DYSF: variants seen among roughly 807,000 people sequenced by gnomAD.
DYSF encodes dysferlin.
Under a neutral mutation model 274.9 loss-of-function variants are expected in DYSF, and 212 were observed. The observed-to-expected ratio is 0.77, with a 90% CI of 0.69 to 0.86. The LOEUF is 0.86. DYSF is among the 40% of genes least tolerant of loss of function. The probability of loss-of-function intolerance (pLI) is 0.00; values close to 1 mark genes in which losing one functional copy is unlikely to be tolerated. For synonymous variants in DYSF, 1,091 were observed against 1,078.7 expected, an observed-to-expected ratio of 1.01 and a Z score of -0.22; for missense variants, 2,666 against 2,783.2, an observed-to-expected ratio of 0.96 and a Z score of 0.95.
intron 16 of DYSF, 46 bp downstream of exon 16, chr2:71,535,357 G>A: frequency 6.4e-7 from 1 of 1,564,272 alleles, no homozygotes; most frequent in Non-Finnish European, 8.8e-7. Flanking sequence ...GTCCTGAGGG[G>A]GCGCTGGGTC....
chr2:71,665,673 T>C (rs534046410), intron 47 of DYSF, among the ~76,000 whole-genome samples: 3 of 152,170 alleles, frequency 2.0e-5, no homozygotes, highest in Non-Finnish European at 4.4e-5. Flanking sequence ...TGGGGTACAG[T>C]CCACTTCTCA....
rs80035621 is a variant in DYSF, at chr2:71,652,844, C to T, written c.4627-3318C>T. ...ACAAACAAACAAAAGGAGGCGTGAG[C>T]ATTTGGCATATGACACAAGTCATGG... On this transcript the variant is annotated intron_variant, in intron 42 of 55. Coordinates refer to ENST00000410020, the MANE Select transcript of DYSF (RefSeq NM_001130987.2). 4.6e-3 allele frequency among the ~76,000 whole-genome samples: 694 copies of T among 152,260 alleles called. 6 individuals carry two copies. The highest frequency in any genetic ancestry group is 0.026 in the East Asian group (137 of 5,186).
chr2:71,520,271 T>A, intron 11 of DYSF, 63 bp downstream of exon 11: 1 of 1,534,452 alleles, frequency 6.5e-7, no homozygotes, highest in Non-Finnish European at 9.0e-7. Context: ...TTGGGGACAC[T>A]CATTTGGGGT....
chr2:71,622,156 A>C (rs1254927204), intron 41 of DYSF, among the ~76,000 whole-genome samples: 3 of 25,590 alleles, frequency 1.2e-4, no homozygotes, highest in South Asian at 1.3e-3. Context: ...TGTTACGCCC[A>C]GGTACATCTG....
At chr2:71,635,518 C>A (rs1485763072) in intron 41 of DYSF, among the ~76,000 whole-genome samples, 1 of 152,192 alleles carries the variant, frequency 6.6e-6, no homozygotes, top group South Asian at 2.1e-4. Flanking sequence ...GAGGCAGAGG[C>A]GGGTGGATCA....
chr2:71,644,107 C>A, intron 42 of DYSF, 44 bp downstream of exon 42: 1 of 1,461,892 alleles, frequency 6.8e-7, no homozygotes, highest in Non-Finnish European at 9.5e-7. Flanking sequence ...TGTGTGCGTA[C>A]TGGGCAGTGG....
intron 17 of DYSF, among the ~76,000 whole-genome samples, chr2:71,548,692 C>T (rs543507495): frequency 1.6e-4 from 25 of 152,186 alleles, no homozygotes; most frequent in Non-Finnish European, 3.2e-4. Flanking sequence ...AAGTGTGTAG[C>T]GTGTTCAGCT....
At chr2:71,665,410 G>C in intron 47 of DYSF, 106 bp downstream of exon 47, 1 of 1,478,106 alleles carries the variant, frequency 6.8e-7, no homozygotes, top group East Asian at 2.3e-5. Flanking sequence ...ATAACCCACA[G>C]CAGCAGGCTG....
At chr2:71,484,093 C>A (rs1573428993) in intron 3 of DYSF, among the ~76,000 whole-genome samples, 1 of 124,424 alleles carries the variant, frequency 8.0e-6, no homozygotes, top group African/African-American at 3.0e-5. Flanking sequence ...TGCTCTGTGG[C>A]CCAGGCTGGA....
intron 40 of DYSF, 125 bp from the exon 41 acceptor site, chr2:71,620,422 A>G (rs747972601): frequency 1.1e-4 from 109 of 1,016,192 alleles, no homozygotes; most frequent in Non-Finnish European, 1.5e-4. Flanking sequence ...ACTCCAAAGC[A>G]CATGTTCTCC....
chr2:71,580,655 C>G (rs1026955337), intron 30 of DYSF, among the ~76,000 whole-genome samples: 8 of 152,064 alleles, frequency 5.3e-5, no homozygotes, highest in African/African-American at 1.7e-4. Flanking sequence ...GATCTCTGGA[C>G]TCTGTTTCTT....
chr2:71,564,941 G>A (rs2091992487), intron 24 of DYSF, among the ~76,000 whole-genome samples: 1 of 152,196 alleles, frequency 6.6e-6, no homozygotes, highest in African/African-American at 2.4e-5. Context: ...GTCATGGTGT[G>A]GCCTGGCGTG....
chr2:71,595,597 C>T (rs1303678460), intron 32 of DYSF, among the ~76,000 whole-genome samples: 9 of 152,176 alleles, frequency 5.9e-5, no homozygotes, highest in Admixed American at 3.3e-4. Flanking sequence ...GGGCTCAGCC[C>T]GAACAGCCTG....
intron 23 of DYSF, 81 bp from the exon 24 acceptor site, chr2:71,563,977 C>A: frequency 6.3e-7 from 1 of 1,595,196 alleles, no homozygotes; most frequent in South Asian, 1.1e-5. Flanking sequence ...GCCTCTGAGT[C>A]AGAGGTCAGC....
upstream of DYSF, among the ~76,000 whole-genome samples, chr2:71,466,342 CCTT>C (rs1305256919): frequency 6.6e-6 from 1 of 152,248 alleles, no homozygotes; most frequent in East Asian, 1.9e-4. Context: ...ACTCCTGCCT[CCTT>C]CTCACCCTTT....
At chr2:71,561,500 C>A (rs1164054173) in intron 22 of DYSF, among the ~76,000 whole-genome samples, 1 of 152,082 alleles carries the variant, frequency 6.6e-6, no homozygotes, top group Non-Finnish European at 1.5e-5. Context: ...AACTGGCAGT[C>A]CTGGAATCGA....
At chr2:71,584,356 C>T (rs942468393) in intron 30 of DYSF, among the ~76,000 whole-genome samples, 3 of 152,168 alleles carry the variant, frequency 2.0e-5, no homozygotes, top group Admixed American at 6.5e-5. Context: ...CTGCCGCTCT[C>T]CCAGTTCCAG....
chr2:71,608,275 T>C (rs1240691045), intron 36 of DYSF, among the ~76,000 whole-genome samples: 2 of 151,578 alleles, frequency 1.3e-5, no homozygotes, highest in African/African-American at 4.9e-5. Context: ...CGGGTGGATT[T>C]GGGAGATGGG....
At chr2:71,555,619 G>T (rs927768034) in intron 21 of DYSF, among the ~76,000 whole-genome samples, 6 of 152,154 alleles carry the variant, frequency 3.9e-5, no homozygotes, top group Non-Finnish European at 8.8e-5. Context: ...GAGCAGGCTC[G>T]GAGAGGGCCA....
Sources: allele counts gnomAD v4.1 joint callset (sites outside exome capture counted in the v4.1 genomes callset), GRCh38; gene constraint gnomAD v4.1.1; transcripts MANE v1.5; gene names NCBI Gene and HGNC (gene_info 2026-07-23, HGNC 2026-07-21).